ANKEF1: variants seen among roughly 807,000 people sequenced by gnomAD.
The protein encoded by ANKEF1 is ankyrin repeat and EF-hand domain-containing protein 1.
ANKEF1 carries 43 observed loss-of-function variants against 65.1 expected under a neutral mutation model. The ratio of observed to expected loss-of-function variants is 0.66; its 90% CI spans 0.52 to 0.85. ANKEF1 has a LOEUF of 0.85. Ranked by LOEUF, ANKEF1 falls within the 40% of genes least tolerant of loss-of-function variation. The probability of loss-of-function intolerance (pLI) is 0.00; values close to 1 mark genes in which losing one functional copy is unlikely to be tolerated. For synonymous variants in ANKEF1, 316 were observed against 341.5 expected (o/e 0.93, Z 0.82); for missense variants, 934 against 952.9 (o/e 0.98, Z 0.26).
chr20:10,039,433 A>G (rs1309731493), intron 3 of ANKEF1, among the ~76,000 whole-genome samples: 1 of 152,228 alleles, frequency 6.6e-6, no homozygotes, highest in Non-Finnish European at 1.5e-5. Context: ...GCAATCGAGA[A>G]ATGAATCTCA....
Position 10,056,646 on chromosome 20 carries a change from G to T in ANKEF1, c.*986G>T, listed in dbSNP as rs1232161010. On this transcript the variant is annotated 3_prime_UTR_variant, in exon 11 of 11. Transcript: ENST00000378392. ...TGCAGGCTGGAAACATGCAGGAGCT[G>T]TCCCTGAAGTCCACAAGTGGAATTT... 1 of 152,094 alleles carries T rather than the reference G, an allele frequency of 6.6e-6. No homozygotes were observed. Among genetic ancestry groups the T allele is most frequent in the Non-Finnish European group, 1.5e-5 (1 of 68,040 alleles). 9.4% of individuals were successfully genotyped at this position (152,094 alleles called of 1,614,324 possible).
At chr20:10,043,902 A>T (rs924972500) in intron 4 of ANKEF1, among the ~76,000 whole-genome samples, 5 of 151,962 alleles carry the variant, frequency 3.3e-5, no homozygotes, top group African/African-American at 1.2e-4. Context: ...GCCTCAAGTG[A>T]TCTGCCCACC....
chr20:10,040,445 G>A (rs1336235339), intron 3 of ANKEF1, among the ~76,000 whole-genome samples: 1 of 152,212 alleles, frequency 6.6e-6, no homozygotes, highest in Non-Finnish European at 1.5e-5. Flanking sequence ...GGCCTAAGCG[G>A]CACTTTCTCT....
intron 2 of ANKEF1, among the ~76,000 whole-genome samples, chr20:10,036,485 A>G (rs1311913815): frequency 6.6e-6 from 1 of 152,188 alleles, no homozygotes; most frequent in East Asian, 1.9e-4. Context: ...GCAAAGTCCA[A>G]GTGGATGACT....
chr20:10,045,833 A>ATTTTC, intron 6 of ANKEF1, 136 bp downstream of exon 6: 1 of 793,436 alleles, frequency 1.3e-6, no homozygotes, highest in Non-Finnish European at 2.0e-6. Flanking sequence ...TGTAGAAAGA[A>ATTTTC]AATTGAAAAT....
In ANKEF1 at chr20:10,051,667, A is replaced by C. The variant is rs531660930; in HGVS notation, c.1648A>C (p.Asn550His). 6.2e-7 allele frequency: 1 copy of C among 1,611,828 alleles called. No homozygotes were observed. The highest frequency in any genetic ancestry group is 8.5e-7 in the Non-Finnish European group (1 of 1,178,292). Reference sequence around the variant, plus strand: ...TTCATCTATCTTATTTTACAGAGCTAACGTTAATGCAACAGATAACTTTCT... The same window carrying C: ...TTCATCTATCTTATTTTACAGAGCTCACGTTAATGCAACAGATAACTTTCT... ...VVKFLLEKGA[N>H]VNATDNFLWT... The change falls in exon 8 of 11, where the codon AAC becomes CAC. Residue 550 changes from asparagine to histidine, a missense_variant. Asn to His is a moderately conservative substitution (Grantham distance 68). Transcript: ENST00000378392.
In ANKEF1 at chr20:10,038,495, G is replaced by A. The variant is rs1024008601; in HGVS notation, c.194G>A (p.Ser65Asn). ...ASVSNDIDMV[S>N]FLLDLGAHPD... is the part of the protein sequence containing the mutation. The stretch of plus-strand genomic sequence containing the variant: ...GTTTCCAATGATATTGATATGGTCA[G>A]CTTTCTCCTTGACCTTGGTGCTCAC... The change falls in exon 3 of 11, where the codon AGC becomes AAC. Residue 65 changes from serine (S) to asparagine (N), a missense_variant. Ser to Asn is a conservative substitution (Grantham distance 46). Coordinates refer to ENST00000378392, the MANE Select transcript of ANKEF1 (RefSeq NM_022096.6). 5 of 1,614,090 alleles carry A rather than the reference G, an allele frequency of 3.1e-6. No individual in the cohort carries two copies. The African/African-American group carries it at 4.0e-5, about 13-fold the overall frequency.
intron 2 of ANKEF1, among the ~76,000 whole-genome samples, chr20:10,036,724 C>A (rs972551088): frequency 6.6e-6 from 1 of 152,140 alleles, no homozygotes; most frequent in African/African-American, 2.4e-5. Context: ...CACCTGTAAT[C>A]CCAGCTACTC....
Position 10,049,928 on chromosome 20 carries a change from T to C in ANKEF1, c.1359T>C (p.Tyr453=), listed in dbSNP as rs769841157. The C allele has an allele frequency of 3.1e-6, 5 of 1,614,102 alleles. No individual in the cohort carries two copies. In the African/African-American group the frequency reaches 6.7e-5, roughly 22 times the overall value. The change falls in exon 7 of 11, where the codon TAT becomes TAC. Residue 453 remains tyrosine, a synonymous_variant. Coordinates refer to ENST00000378392, the MANE Select transcript of ANKEF1 (RefSeq NM_022096.6). ...FPRRQDGGPP[Y]YMIETYKNVT... ...GCCGGCAGGATGGTGGGCCACCGTA[T>C]TACATGATTGAGACCTACAAGAATG...
rs775076452 is a variant in ANKEF1 at position 10,053,268 on chromosome 20, A to C, written c.2027A>C (p.Lys676Thr). 6.3e-7 allele frequency: 1 copy of C among 1,587,268 alleles called. No homozygotes were observed. Among genetic ancestry groups the C allele is most frequent in the African/African-American group, 1.4e-5 (1 of 73,056 alleles). ...AAGACTGAAGGCCCTGAAATTAAGA[A>C]AGAAGAGGTAAGAAAAATGGTTGAC... ...ILKTEGPEIK[K>T]EEELLSSIYG... Residue 676 changes from lysine to threonine, a missense_variant, in exon 9 of 11, where the codon AAA becomes ACA. By Grantham distance (78) the Lys-to-Thr change is moderately conservative. Transcript: ENST00000378392.
chr20:10,048,878 G>T (rs1001994208), intron 6 of ANKEF1, among the ~76,000 whole-genome samples: 1 of 152,158 alleles, frequency 6.6e-6, no homozygotes, highest in Non-Finnish European at 1.5e-5. Context: ...CAGCAGATTA[G>T]TATAAATTAC....
At chr20:10,044,303 G>A (rs6039663) in intron 4 of ANKEF1, 91 bp from the exon 5 acceptor site, 7 of 1,400,674 alleles carry the variant, frequency 5.0e-6, no homozygotes, top group Non-Finnish European at 6.7e-6. Context: ...TAAAGCTAAG[G>A]TCAAATGGAT....
intron 4 of ANKEF1, among the ~76,000 whole-genome samples, 188 bp downstream of exon 4, chr20:10,043,509 G>T (rs1020410546): frequency 6.6e-6 from 1 of 151,890 alleles, no homozygotes; most frequent in East Asian, 1.9e-4. Flanking sequence ...TCCTAATTAT[G>T]TTTGGAAACT....
intron 8 of ANKEF1, among the ~76,000 whole-genome samples, chr20:10,052,123 G>T (rs1984898248): frequency 6.6e-6 from 1 of 151,710 alleles, no homozygotes; most frequent in Non-Finnish European, 1.5e-5. Flanking sequence ...AAATACTTTT[G>T]TAAAATATAA....
chr20:10,051,549 C>G, intron 7 of ANKEF1, 114 bp from the exon 8 acceptor site: 1 of 787,438 alleles, frequency 1.3e-6, no homozygotes, highest in East Asian at 2.7e-5. Flanking sequence ...AATTATGGCA[C>G]AAAGTTTACA....
chr20:10,055,874 C>G lies in ANKEF1; in HGVS notation c.*214C>G, dbSNP rs1985121343. 5 of 538,242 alleles carry G rather than the reference C, an allele frequency of 9.3e-6. No homozygotes were observed. The highest frequency in any genetic ancestry group is 1.6e-5 in the Non-Finnish European group (5 of 303,302). The allele number at this position is 538,242 out of a possible 1,614,324, so 33.3% of individuals were successfully genotyped here. A position where few individuals can be genotyped will look rare whatever the true frequency, so the allele number is the denominator to read the frequency against. ...AATGGTATGTCATTCTGGATAAATCCCCAAGCCCCTTTATGAATGTAGTGA... is the reference window on the plus strand; with the variant it reads ...AATGGTATGTCATTCTGGATAAATCGCCAAGCCCCTTTATGAATGTAGTGA... On this transcript the variant is annotated 3_prime_UTR_variant, in exon 11 of 11. Coordinates refer to ENST00000378392, the MANE Select transcript of ANKEF1 (RefSeq NM_022096.6).
rs1302347891 is a variant in ANKEF1, at chr20:10,035,652, A to G, written c.-45+10A>G. On this transcript the variant is annotated intron_variant, in intron 2 of 10. Transcript: ENST00000378392. ...CTGAGGTAAAAACTAGGTAGGTAGCATATCCATATTTATATCCAACTAGTT... is the reference window on the plus strand; with the variant it reads ...CTGAGGTAAAAACTAGGTAGGTAGCGTATCCATATTTATATCCAACTAGTT... 6.6e-6 allele frequency: 1 copy of G among 152,228 alleles called. No individual in the cohort carries two copies. Among genetic ancestry groups the G allele is most frequent in the Non-Finnish European group, 1.5e-5 (1 of 68,042 alleles). 9.4% of individuals were successfully genotyped at this position (152,228 alleles called of 1,614,324 possible). A position where few individuals can be genotyped will look rare whatever the true frequency, so the allele number is the denominator to read the frequency against.
chr20:10,040,370 G>A (rs1012205472), intron 3 of ANKEF1, among the ~76,000 whole-genome samples: 9 of 152,160 alleles, frequency 5.9e-5, no homozygotes, highest in Admixed American at 6.5e-5. Context: ...ACTGTACATC[G>A]TTCCTAAAGG....
chr20:10,055,523 A>G lies in ANKEF1; in HGVS notation c.2194A>G (p.Thr732Ala), dbSNP rs773430475. 4.3e-6 allele frequency: 7 copies of G among 1,613,632 alleles called. No individual in the cohort carries two copies. The highest frequency in any genetic ancestry group is 1.7e-5 in the Admixed American group (1 of 59,952). ...PRRIWSPEAT[T>A]AELIRKRELR... ...TAAGATTTGGAGTCCTGAAGCCACA[A>G]CAGCAGAGCTGATCAGGAAGAGGGA... Residue 732 changes from threonine (T) to alanine (A), a missense_variant, in exon 11 of 11, where the codon ACA (threonine) becomes GCA (alanine). Thr to Ala is a moderately conservative substitution (Grantham distance 58). Coordinates refer to ENST00000378392, the MANE Select transcript of ANKEF1 (RefSeq NM_022096.6).
Sources: gnomAD v4.1 joint callset for allele counts (sites outside exome capture counted in the v4.1 genomes callset) on GRCh38, gnomAD v4.1.1 for gene constraint, MANE v1.5 for transcripts, NCBI Gene and HGNC (gene_info 2026-07-23, HGNC 2026-07-21) for gene names.